ITGA9: variants seen among roughly 807,000 people sequenced by gnomAD.
ITGA9 encodes integrin subunit alpha 9.
ITGA9 carries 56 observed loss-of-function variants against 127.8 expected under a neutral mutation model. That is an observed-to-expected ratio of 0.44 (90% CI 0.35 to 0.55). ITGA9 has a LOEUF of 0.55. Among genes scored for constraint, ITGA9 ranks in the 20% least tolerant of loss-of-function variants. The probability of loss-of-function intolerance (pLI) is 0.00; values close to 1 mark genes in which losing one functional copy is unlikely to be tolerated. For missense variants in ITGA9, 1,196 were observed against 1,347.1 expected, an observed-to-expected ratio of 0.89 and a Z score of 1.76; for synonymous variants, 508 against 514.5, an observed-to-expected ratio of 0.99 and a Z score of 0.17.
At chr3:37,552,458 A>G (rs1699387362) in intron 15 of ITGA9, among the ~76,000 whole-genome samples, 1 of 148,570 alleles carries the variant, frequency 6.7e-6, no homozygotes, top group African/African-American at 2.6e-5. Context: ...TAGTCAACGT[A>G]TTAGTATTAA....
intron 15 of ITGA9, among the ~76,000 whole-genome samples, chr3:37,581,394 G>A (rs1267103173): frequency 6.6e-6 from 1 of 152,188 alleles, no homozygotes; most frequent in East Asian, 1.9e-4. Context: ...CGCGTGATTG[G>A]TGAGGACTGT....
At chr3:37,693,255 ATGGGAGGGTATTG>A (rs1358211145) in intron 18 of ITGA9, among the ~76,000 whole-genome samples, 2 of 152,144 alleles carry the variant, frequency 1.3e-5, no homozygotes, top group East Asian at 3.9e-4. Context: ...TATTTCCTCC[ATGGGAGGGTATTG>A]TGGGAGGGGT....
chr3:37,821,393 T>C lies in ITGA9; in HGVS notation c.*2404T>C, dbSNP rs1164210642. On this transcript the variant is annotated 3_prime_UTR_variant, in exon 28 of 28. Transcript: ENST00000264741. ...TGCTGGAGGTTCCCCAGAGAACACTTCAGGGACATTTTGCCTCAGGGTGGC... is the reference window on the plus strand; with the variant it reads ...TGCTGGAGGTTCCCCAGAGAACACTCCAGGGACATTTTGCCTCAGGGTGGC... The C allele has an allele frequency of 6.6e-6, 1 of 152,170 alleles. No homozygotes were observed. The highest frequency in any genetic ancestry group is 6.5e-5 in the Admixed American group (1 of 15,276). 9.4% of individuals were successfully genotyped at this position (152,170 alleles called of 1,614,324 possible).
intron 20 of ITGA9, among the ~76,000 whole-genome samples, chr3:37,739,817 G>T (rs1400595390): frequency 1.3e-5 from 2 of 152,192 alleles, no homozygotes; most frequent in Non-Finnish European, 2.9e-5. Flanking sequence ...GGATGCTGGG[G>T]TGGGGGCGGG....
At chr3:37,704,558 T>C (rs898605318) in intron 18 of ITGA9, among the ~76,000 whole-genome samples, 5 of 152,120 alleles carry the variant, frequency 3.3e-5, no homozygotes, top group Non-Finnish European at 7.4e-5. Flanking sequence ...GTCTTACCCT[T>C]TGTGAGTCAG....
At chr3:37,809,428 G>A (rs1697340129) in intron 27 of ITGA9, among the ~76,000 whole-genome samples, 1 of 152,054 alleles carries the variant, frequency 6.6e-6, no homozygotes, top group South Asian at 2.1e-4. Flanking sequence ...CTAACTAGAA[G>A]TTTTGTTCTA....
At chr3:37,718,013 T>C (rs959674200) in intron 18 of ITGA9, among the ~76,000 whole-genome samples, 5 of 152,210 alleles carry the variant, frequency 3.3e-5, no homozygotes, top group African/African-American at 1.2e-4. Flanking sequence ...CATGCATTCA[T>C]CATGTGAGAT....
chr3:37,476,312 A>C (rs1020016492), intron 3 of ITGA9, among the ~76,000 whole-genome samples: 2 of 152,038 alleles, frequency 1.3e-5, no homozygotes, highest in African/African-American at 4.8e-5. Flanking sequence ...CCAACAGTGC[A>C]CAAGGGTTTC....
chr3:37,526,951 C>A (rs1699099598), intron 13 of ITGA9, among the ~76,000 whole-genome samples: 1 of 152,202 alleles, frequency 6.6e-6, no homozygotes, highest in Non-Finnish European at 1.5e-5. Flanking sequence ...TCTAAGGGAA[C>A]CAGCTTGCCC....
intron 20 of ITGA9, among the ~76,000 whole-genome samples, chr3:37,738,382 C>T (rs569906607): frequency 6.6e-5 from 10 of 152,206 alleles, no homozygotes; most frequent in Admixed American, 2.6e-4. Flanking sequence ...GTGGTGGGCA[C>T]GAGAGTGTAC....
chr3:37,465,870 G>C (rs369925375), intron 1 of ITGA9, among the ~76,000 whole-genome samples: 4 of 152,218 alleles, frequency 2.6e-5, no homozygotes, highest in African/African-American at 9.6e-5. Flanking sequence ...GGGGGCACTG[G>C]GTACCTGTTG....
intron 11 of ITGA9, among the ~76,000 whole-genome samples, chr3:37,520,619 A>G (rs1043508185): frequency 2.0e-5 from 3 of 152,234 alleles, no homozygotes; most frequent in Non-Finnish European, 1.5e-5. Context: ...AGGGGCATTT[A>G]TCTATCCAGA....
chr3:37,652,586 C>T (rs554534068), intron 16 of ITGA9, among the ~76,000 whole-genome samples: 26 of 152,254 alleles, frequency 1.7e-4, no homozygotes, highest in South Asian at 1.5e-3. Flanking sequence ...CTAGACTGTT[C>T]GTTGGCCAGC....
At chr3:37,614,051 C>G (rs562696112) in intron 15 of ITGA9, among the ~76,000 whole-genome samples, 10 of 152,298 alleles carry the variant, frequency 6.6e-5, no homozygotes, top group African/African-American at 2.4e-4. Context: ...TGCCTATGTC[C>G]TGAATGGTGT....
chr3:37,680,280 A>G lies in ITGA9; in HGVS notation c.1917-3585A>G, dbSNP rs1700722513. Among the ~76,000 whole-genome samples, 4 of 152,192 alleles carry G rather than the reference A, an allele frequency of 2.6e-5. No individual in the cohort carries two copies. The South Asian group carries it at 8.3e-4, about 31-fold the overall frequency. ...CACATCACATTTTCATTTCATTTCT[A>G]AAAATAACTTTGGAAGCAGAGATGT... On this transcript the variant is annotated intron_variant, in intron 17 of 27. Coordinates refer to ENST00000264741, the MANE Select transcript of ITGA9 (RefSeq NM_002207.3).
chr3:37,783,332 A>T (rs993158609), intron 25 of ITGA9, among the ~76,000 whole-genome samples: 15 of 151,896 alleles, frequency 9.9e-5, no homozygotes, highest in African/African-American at 3.4e-4. Flanking sequence ...TATTTATTTT[A>T]ATGTTTTTAT....
Position 37,614,354 on chromosome 3 carries a change from T to C in ITGA9, c.1690-14833T>C, listed in dbSNP as rs1700053257. Among the ~76,000 whole-genome samples, 5 of 152,098 alleles carry C rather than the reference T, an allele frequency of 3.3e-5. No individual in the cohort carries two copies. The South Asian group carries it at 1.0e-3, about 32-fold the overall frequency. ...TGTTTTGGTACCAGTACCATGCTGT[T>C]TTGGTTACTGTAGCCTTGTAGTATA... On this transcript the variant is annotated intron_variant, in intron 15 of 27. Coordinates refer to ENST00000264741, the MANE Select transcript of ITGA9 (RefSeq NM_002207.3).
At chr3:37,489,178 A>G (rs947470319) in intron 4 of ITGA9, among the ~76,000 whole-genome samples, 1 of 152,260 alleles carries the variant, frequency 6.6e-6, no homozygotes, top group Non-Finnish European at 1.5e-5. Context: ...AAAGGAAGGA[A>G]TATTTAATAA....
intron 15 of ITGA9, among the ~76,000 whole-genome samples, chr3:37,623,339 G>A (rs1299776721): frequency 6.6e-6 from 1 of 152,180 alleles, no homozygotes; most frequent in Non-Finnish European, 1.5e-5. Flanking sequence ...TTAGCCCTGA[G>A]CTCTTAAGTT....
Sources: gnomAD v4.1 joint callset for allele counts (sites outside exome capture counted in the v4.1 genomes callset) on GRCh38, gnomAD v4.1.1 for gene constraint, MANE v1.5 for transcripts, NCBI Gene and HGNC (gene_info 2026-07-23, HGNC 2026-07-21) for gene names.